Variants in PPFIA3 observed in about 807,000 individuals in gnomAD.
The protein encoded by PPFIA3 is PPFI scaffold protein A3, also known as liprin-alpha-3.
Under a neutral mutation model 145.8 loss-of-function variants are expected in PPFIA3, and 26 were observed. The observed-to-expected ratio is 0.18, with a 90% CI of 0.13 to 0.25. The LOEUF is 0.25. PPFIA3 is among the 10% of genes least tolerant of loss of function. The probability of loss-of-function intolerance (pLI) is 1.00; values close to 1 mark genes in which losing one functional copy is unlikely to be tolerated. For missense variants in PPFIA3, 1,008 were observed against 1,587.8 expected (o/e 0.63, Z 6.21); for synonymous variants, 645 against 661.4 (o/e 0.98, Z 0.38).
intron 24 of PPFIA3, chr19:49,148,462 T>A: frequency 1.3e-6 from 1 of 758,916 alleles, no homozygotes; most frequent in Non-Finnish European, 2.1e-6. Context: ...CTTGGCTAGT[T>A]AACCCTGGAC....
At chr19:49,141,874 C>T (rs1014504045) in intron 19 of PPFIA3, among the ~76,000 whole-genome samples, 160 bp from the exon 20 acceptor site, 3 of 150,196 alleles carry the variant, frequency 2.0e-5, no homozygotes, top group African/African-American at 7.4e-5. Context: ...TACAGATTCA[C>T]ATGTATTTTT....
At position 49,130,367 on chromosome 19, in the gene PPFIA3, C is replaced by T; in HGVS notation, c.658-11C>T. On this transcript the variant is annotated splice_polypyrimidine_tract_variant and intron_variant, in intron 6 of 29. Coordinates refer to ENST00000334186, the MANE Select transcript of PPFIA3 (RefSeq NM_003660.4). The surrounding 1 kb of genome is among the most constrained non-coding windows in gnomAD (Gnocchi z 4.5). ...ACTCTGGGATCTTGTCCCCTCCTTCCCTCACTCCAGACTCTTGCCAATGGC... is the reference window on the plus strand; with the variant it reads ...ACTCTGGGATCTTGTCCCCTCCTTCTCTCACTCCAGACTCTTGCCAATGGC... The T allele has an allele frequency of 6.3e-7, 1 of 1,586,990 alleles. No individual in the cohort carries two copies. Among genetic ancestry groups the T allele is most frequent in the Non-Finnish European group, 8.6e-7 (1 of 1,164,488 alleles).
Position 49,133,464 on chromosome 19 carries a change from C to T in PPFIA3, c.1161+93C>T, listed in dbSNP as rs2041099765. On this transcript the variant is annotated intron_variant, in intron 9 of 29. Coordinates refer to ENST00000334186, the MANE Select transcript of PPFIA3 (RefSeq NM_003660.4). The surrounding 1 kb of genome is among the most constrained non-coding windows in gnomAD (Gnocchi z 7.2). ...GAATCTGGAGGGGTAGGAGCGAGGT[C>T]AGAACCCCGGATTTGGGGGAAAGGG... The T allele has an allele frequency of 2.9e-6, 4 of 1,381,890 alleles. No individual in the cohort carries two copies. Among genetic ancestry groups the T allele is most frequent in the African/African-American group, 1.5e-5 (1 of 67,620 alleles). 85.6% of individuals were successfully genotyped at this position (1,381,890 alleles called of 1,614,324 possible).
chr19:49,149,616 G>T lies in PPFIA3; in HGVS notation c.3424G>T (p.Val1142Leu). The T allele has an allele frequency of 6.2e-7, 1 of 1,614,200 alleles. No homozygotes were observed. The highest frequency in any genetic ancestry group is 1.3e-5 in the African/African-American group (1 of 75,060). Reference sequence around the variant, plus strand: ...GTTCCGGGAGAAGGACCTCCGAGGCGTAACTCCCGACTCAGCTGAGATGTT... The same window carrying T: ...GTTCCGGGAGAAGGACCTCCGAGGCTTAACTCCCGACTCAGCTGAGATGTT... The part of the protein sequence containing the change: ...KMFREKDLRG[V>L]TPDSAEMLPP... Residue 1142 changes from valine (V) to leucine (L), a missense_variant, in exon 28 of 30, where the codon GTA (valine) becomes TTA (leucine). Around this residue, in one of 11 missense-constraint regions of PPFIA3, gnomAD observed 125 missense variants for 159.3 expected, o/e 0.78. Coordinates refer to ENST00000334186, the MANE Select transcript of PPFIA3 (RefSeq NM_003660.4). This position sits in a 1 kb window ranked among gnomAD's most constrained non-coding sequence, Gnocchi z 5.7.
chr19:49,143,917 G>T (rs2041253057), intron 21 of PPFIA3, among the ~76,000 whole-genome samples: 1 of 152,062 alleles, frequency 6.6e-6, no homozygotes, highest in South Asian at 2.1e-4. Flanking sequence ...GGGGATGGGA[G>T]CCAAGCCTAA....
intron 7 of PPFIA3, among the ~76,000 whole-genome samples, chr19:49,131,862 T>G (rs2041076642): frequency 6.6e-6 from 1 of 151,240 alleles, no homozygotes; most frequent in Non-Finnish European, 1.5e-5. Flanking sequence ...TACAAAAAAT[T>G]AGCCGGGCGT....
intron 1 of PPFIA3, among the ~76,000 whole-genome samples, chr19:49,122,721 T>G (rs1221138064): frequency 1.3e-5 from 2 of 149,220 alleles, no homozygotes; most frequent in African/African-American, 2.5e-5. Flanking sequence ...GTTGTTTTTT[T>G]TTTTTTTTTT....
intron 12 of PPFIA3, 65 bp downstream of exon 12, chr19:49,134,766 A>T (rs1396234443): frequency 6.2e-7 from 1 of 1,611,772 alleles, no homozygotes; most frequent in Non-Finnish European, 8.5e-7. Flanking sequence ...TAGGGTCTGC[A>T]AGTCTGGCAG....
At chr19:49,136,620 G>A in intron 14 of PPFIA3, 104 bp from the exon 15 acceptor site, 2 of 676,304 alleles carry the variant, frequency 3.0e-6, no homozygotes, top group Non-Finnish European at 4.3e-6. Flanking sequence ...GCTGGGCTGG[G>A]AAAAGCATCA....
At position 49,149,236 on chromosome 19, in the gene PPFIA3, C is replaced by A; in HGVS notation, c.3286-21C>A. 1 of 1,614,178 alleles carries A rather than the reference C, an allele frequency of 6.2e-7. No individual in the cohort carries two copies. The highest frequency in any genetic ancestry group is 8.5e-7 in the Non-Finnish European group (1 of 1,180,028). ...TCGCAGACTGCACGCTCCAACCGCC[C>A]CCTCCACCTCCTCTTTCCAGGCCCG... On this transcript the variant is annotated intron_variant, in intron 26 of 29. Coordinates refer to ENST00000334186, the MANE Select transcript of PPFIA3 (RefSeq NM_003660.4). This position sits in a 1 kb window ranked among gnomAD's most constrained non-coding sequence, Gnocchi z 5.7.
intron 18 of PPFIA3, 94 bp downstream of exon 18, chr19:49,140,182 C>T: frequency 7.2e-7 from 1 of 1,383,394 alleles, no homozygotes; most frequent in Non-Finnish European, 1.0e-6. Context: ...GACATCCATT[C>T]ATGTCTTCAT....
intron 11 of PPFIA3, among the ~76,000 whole-genome samples, 159 bp downstream of exon 11, chr19:49,134,324 G>T (rs1426821701): frequency 6.6e-6 from 1 of 152,148 alleles, no homozygotes; most frequent in Non-Finnish European, 1.5e-5. Context: ...TGCCCAGACC[G>T]CTTTTTCACC....
At chr19:49,132,426 A>G (rs1316576205) in intron 7 of PPFIA3, among the ~76,000 whole-genome samples, 1 of 143,238 alleles carries the variant, frequency 7.0e-6, no homozygotes, top group Non-Finnish European at 1.5e-5. Flanking sequence ...AAAAAGAAAG[A>G]GAGAGAGAGA....
Position 49,142,856 on chromosome 19 carries a change from A to G in PPFIA3, c.2597A>G (p.Lys866Arg). 1.2e-6 allele frequency: 2 copies of G among 1,613,894 alleles called. No individual in the cohort carries two copies. The highest frequency in any genetic ancestry group is 4.5e-5 in the East Asian group (2 of 44,846). ...GTGGCCGCCTGCCGGGCCAATGTCAAGAGCGGTGCCATCATGGCCAACCTG... is the reference window on the plus strand; with the variant it reads ...GTGGCCGCCTGCCGGGCCAATGTCAGGAGCGGTGCCATCATGGCCAACCTG... ...WYVAACRANV[K>R]SGAIMANLSD... The change falls in exon 21 of 30, where the codon AAG becomes AGG. Residue 866 changes from lysine to arginine, a missense_variant. By Grantham distance (26) the Lys-to-Arg change is conservative. Coordinates refer to ENST00000334186, the MANE Select transcript of PPFIA3 (RefSeq NM_003660.4).
Position 49,134,844 on chromosome 19 carries a change from C to T in PPFIA3, c.1449C>T (p.Leu483=), listed in dbSNP as rs2041118021. Residue 483 remains leucine, a synonymous_variant, in exon 13 of 30, where the codon CTC becomes CTT. Coordinates refer to ENST00000334186, the MANE Select transcript of PPFIA3 (RefSeq NM_003660.4). ...QDELLLNKEQ[L]LAEMERMQME... ...CCAACACCGGCCCCCAGGAGCAGCT[C>T]TTGGCCGAAATGGAGCGGATGCAGA... The T allele has an allele frequency of 6.3e-7, 1 of 1,599,092 alleles. No homozygotes were observed. The highest frequency in any genetic ancestry group is 1.1e-5 in the South Asian group (1 of 89,062).
intron 16 of PPFIA3, 107 bp from the exon 17 acceptor site, chr19:49,139,561 C>A: frequency 8.4e-7 from 1 of 1,190,748 alleles, no homozygotes; most frequent in Non-Finnish European, 1.1e-6. Context: ...ATACTGTGTT[C>A]TAAACCAGGG....
In PPFIA3 at chr19:49,128,530, G is replaced by A. The variant is rs2041032161; in HGVS notation, c.342+62G>A. On this transcript the variant is annotated intron_variant, in intron 3 of 29. Transcript: ENST00000334186. This position sits in a 1 kb window ranked among gnomAD's most constrained non-coding sequence, Gnocchi z 4.1. ...GGGCCTCGTGGTGTTGAAGTGGGGG[G>A]CGGGGCCTCTCAGTGTTGCAGCGTG... The A allele has an allele frequency of 7.1e-6, 10 of 1,406,950 alleles. No individual in the cohort carries two copies. The South Asian group carries it at 9.3e-5, about 13-fold the overall frequency. The allele number at this position is 1,406,950 out of a possible 1,614,324, so 87.2% of individuals were successfully genotyped here. A position where few individuals can be genotyped will look rare whatever the true frequency, so the allele number is the denominator to read the frequency against.
chr19:49,127,906 G>A lies in PPFIA3; in HGVS notation c.33G>A (p.Glu11=). 3 of 1,593,152 alleles carry A rather than the reference G, an allele frequency of 1.9e-6. No homozygotes were observed. Among genetic ancestry groups the A allele is most frequent in the South Asian group, 2.2e-5 (2 of 90,732 alleles). The change falls in exon 2 of 30, where the codon GAG becomes GAA. Residue 11 remains glutamate, a synonymous_variant. Coordinates refer to ENST00000334186, the MANE Select transcript of PPFIA3 (RefSeq NM_003660.4). MMCEVMPTIS[E]DGRRGSALGP... ...GCGAGGTGATGCCCACCATCAGCGA[G>A]GATGGCCGGCGGGGCTCGGCGCTGG...
chr19:49,147,712 A>AGAGAG (rs2041297226), intron 23 of PPFIA3, among the ~76,000 whole-genome samples: 7 of 75,364 alleles, frequency 9.3e-5, no homozygotes, highest in African/African-American at 1.5e-4. Context: ...GAGAGAGAGA[A>AGAGAG]AGAGAGAAAG....
Sources: allele counts gnomAD v4.1 joint callset (sites outside exome capture counted in the v4.1 genomes callset), GRCh38; gene constraint gnomAD v4.1.1; regional missense constraint gnomAD v4.1.1; non-coding constraint Gnocchi (gnomAD v3.1); transcripts MANE v1.5; gene names NCBI Gene and HGNC (gene_info 2026-07-23, HGNC 2026-07-21).